Variants in ABR observed in about 807,000 individuals in gnomAD.
ABR encodes the protein active breakpoint cluster region-related protein.
ABR carries 35 observed loss-of-function variants against 107.2 expected under a neutral mutation model. The ratio of observed to expected loss-of-function variants is 0.33; its 90% CI spans 0.25 to 0.43. The LOEUF is 0.43. Among genes scored for constraint, ABR ranks in the 20% least tolerant of loss-of-function variants. The pLI, the probability that ABR is intolerant of heterozygous loss-of-function variation, is 1.00. For missense variants in ABR, 815 were observed against 1,115.2 expected, an observed-to-expected ratio of 0.73 and a Z score of 3.83; for synonymous variants, 498 against 462.0, an observed-to-expected ratio of 1.08 and a Z score of -1.00.
chr17:1,138,376 T>C (rs1319840138), intron 1 of ABR, among the ~76,000 whole-genome samples: 1 of 152,216 alleles, frequency 6.6e-6, no homozygotes, highest in Non-Finnish European at 1.5e-5. Flanking sequence ...TTCCATATCT[T>C]GATCTGGGTG....
intron 2 of ABR, among the ~76,000 whole-genome samples, chr17:1,114,262 G>C (rs925831524): frequency 6.6e-5 from 10 of 151,690 alleles, no homozygotes; most frequent in African/African-American, 2.4e-4. Context: ...TTGAGTTCAG[G>C]AGTTCGTGAC....
At chr17:1,172,755 AAAAAG>A (rs932080215) in intron 1 of ABR, among the ~76,000 whole-genome samples, 73 of 151,946 alleles carry the variant, frequency 4.8e-4, no homozygotes, top group African/African-American at 1.6e-3. Context: ...ATCTCAAAAA[AAAAAG>A]AAAAGAAAAG....
At chr17:1,205,671 G>A (rs996171325) in intron 1 of ABR, among the ~76,000 whole-genome samples, 7 of 152,176 alleles carry the variant, frequency 4.6e-5, no homozygotes, top group Non-Finnish European at 7.3e-5. Context: ...TTGGCCAGGC[G>A]CGGCGGCTCA....
intron 1 of ABR, among the ~76,000 whole-genome samples, chr17:1,170,577 T>A (rs1031481156): frequency 6.6e-6 from 1 of 152,070 alleles, no homozygotes; most frequent in Non-Finnish European, 1.5e-5. Flanking sequence ...GCTGGGATTC[T>A]AGGTGCCTGC....
chr17:1,193,644 A>G (rs544219673), intron 1 of ABR, among the ~76,000 whole-genome samples: 1 of 152,254 alleles, frequency 6.6e-6, no homozygotes, highest in Admixed American at 6.5e-5. Flanking sequence ...AGTACTGGCA[A>G]CTGACGCTAA....
At chr17:1,035,843 C>G (rs929890848) in intron 16 of ABR, among the ~76,000 whole-genome samples, 132 of 150,568 alleles carry the variant, frequency 8.8e-4, no homozygotes, top group African/African-American at 2.3e-3. Context: ...GTGGGTGGGA[C>G]CCCGCATTAC....
At position 1,057,672 on chromosome 17, in the gene ABR, T is replaced by C. The variant is rs796212850; in HGVS notation, c.1381+298A>G. ...GTATGTGTGTATGTGTGTGTGTGTG[T>C]GTGTGTGTGTGTCTCTGTGTGTGTG... On this transcript the variant is annotated intron_variant, in intron 12 of 22. Transcript: ENST00000302538. 1.7e-3 allele frequency among the ~76,000 whole-genome samples: 255 copies of C among 149,024 alleles called. 1 individual carries two copies. Among genetic ancestry groups the C allele is most frequent in the African/African-American group, 6.0e-3 (237 of 39,680 alleles).
At chr17:1,170,908 G>A (rs1213195474) in intron 1 of ABR, among the ~76,000 whole-genome samples, 4 of 152,162 alleles carry the variant, frequency 2.6e-5, no homozygotes, top group South Asian at 2.1e-4. Flanking sequence ...TCCCGTGGGC[G>A]CCATTGCACA....
chr17:1,123,133 G>A (rs1481961834), intron 2 of ABR, among the ~76,000 whole-genome samples: 1 of 152,170 alleles, frequency 6.6e-6, no homozygotes, highest in Non-Finnish European at 1.5e-5. Flanking sequence ...TCCCTGCAGA[G>A]TCCACTAGGT....
chr17:1,012,474 C>T (rs1168686890), intron 18 of ABR: 1 of 698,612 alleles, frequency 1.4e-6, no homozygotes, highest in Non-Finnish European at 2.6e-6. Context: ...CACAAGAGAC[C>T]TTCCAGCGTT....
chr17:1,048,537 C>A (rs1397633736), intron 16 of ABR, among the ~76,000 whole-genome samples: 1 of 152,028 alleles, frequency 6.6e-6, no homozygotes, highest in African/African-American at 2.4e-5. Context: ...CCTGGATCAC[C>A]TCTTGGGCCA....
chr17:1,130,296 C>T (rs1356355406), intron 1 of ABR, among the ~76,000 whole-genome samples: 2 of 152,078 alleles, frequency 1.3e-5, no homozygotes, highest in African/African-American at 2.4e-5. Context: ...TCCCAAAGAC[C>T]ACACACGTAG....
intron 1 of ABR, among the ~76,000 whole-genome samples, chr17:1,198,119 A>G (rs1364000234): frequency 1.3e-5 from 2 of 151,680 alleles, no homozygotes; most frequent in Admixed American, 6.6e-5. Flanking sequence ...ACAACTAACC[A>G]GAAATGAGGA....
chr17:1,069,974 A>G lies in ABR; in HGVS notation c.1011T>C (p.Ser337=), dbSNP rs755942743. The change falls in exon 9 of 23, where the codon TCT becomes TCC. Residue 337 remains serine (S), a synonymous_variant. Transcript: ENST00000302538. The part of the protein sequence containing the change: ...VLLCAKLKKT[S]AGKHQQYDCK... Reference sequence around the variant, plus strand: ...CCCTGGACTCACACACTCACCCTGCAGAGGTCTTCTTCAGCTTGGCACACA... The same window carrying G: ...CCCTGGACTCACACACTCACCCTGCGGAGGTCTTCTTCAGCTTGGCACACA... 1 of 1,536,780 alleles carries G rather than the reference A, an allele frequency of 6.5e-7. No individual in the cohort carries two copies. Among genetic ancestry groups the G allele is most frequent in the Non-Finnish European group, 8.8e-7 (1 of 1,133,642 alleles).
chr17:1,180,249 G>A (rs1598071761), upstream of ABR, among the ~76,000 whole-genome samples: 2 of 152,202 alleles, frequency 1.3e-5, no homozygotes, highest in East Asian at 1.9e-4. Context: ...CAGGATCCTG[G>A]CGATCCGCAA....
chr17:1,143,545 C>T (rs554157219), intron 1 of ABR, among the ~76,000 whole-genome samples: 53 of 139,306 alleles, frequency 3.8e-4, no homozygotes, highest in African/African-American at 1.3e-3. Flanking sequence ...CAGCTCATTC[C>T]TGGGGGACAG....
chr17:1,009,551 G>T (rs1280604064), intron 21 of ABR, 128 bp downstream of exon 21: 5 of 729,984 alleles, frequency 6.8e-6, no homozygotes, highest in Non-Finnish European at 1.2e-5. Flanking sequence ...GACTGAGGAG[G>T]TGGGGTTGGG....
chr17:1,025,999 C>A (rs1289806299), intron 16 of ABR, among the ~76,000 whole-genome samples: 1 of 152,242 alleles, frequency 6.6e-6, no homozygotes. Flanking sequence ...CCCACTAAAC[C>A]CCCTGCTCCC....
Position 1,037,038 on chromosome 17 carries a change from C to CCCACCCACCCATCCTTCCAT in ABR, c.1791+13011_1791+13012insATGGAAGGATGGGTGGGTGG, listed in dbSNP as rs1567625720. ...ATCCTTCCTTCCTTCCATCCATCCA[C>CCCACCCACCCATCCTTCCAT]CCATCCATCCATCCATCCACCCATC... On this transcript the variant is annotated intron_variant, in intron 16 of 22. Transcript: ENST00000302538. This position sits in a 1 kb window ranked among gnomAD's most constrained non-coding sequence, Gnocchi z 4.6. 6.0e-5 allele frequency among the ~76,000 whole-genome samples: 8 copies of CCCACCCACCCATCCTTCCAT among 134,284 alleles called. No homozygotes were observed. Among genetic ancestry groups the CCCACCCACCCATCCTTCCAT allele is most frequent in the African/African-American group, 2.3e-4 (8 of 34,998 alleles). 88.1% of individuals were successfully genotyped at this position (134,284 alleles called of 152,430 possible).
Sources: gnomAD v4.1 joint callset for allele counts (sites outside exome capture counted in the v4.1 genomes callset) on GRCh38, gnomAD v4.1.1 for gene constraint, Gnocchi (gnomAD v3.1) non-coding constraint, MANE v1.5 for transcripts, NCBI Gene and HGNC (gene_info 2026-07-23, HGNC 2026-07-21) for gene names.